WDPCP: variants seen among roughly 807,000 people sequenced by gnomAD.
WDPCP encodes WD repeat-containing and planar cell polarity effector protein fritz homolog.
WDPCP carries 71 observed loss-of-function variants against 93.1 expected under a neutral mutation model. That is an observed-to-expected ratio of 0.76 (90% CI 0.63 to 0.93). WDPCP has a LOEUF of 0.93. Among genes scored for constraint, WDPCP ranks in the 40% least tolerant of loss-of-function variants. WDPCP has a pLI of 0.00. For missense variants in WDPCP, 844 were observed against 887.4 expected (o/e 0.95, Z 0.62); for synonymous variants, 315 against 315.0 (o/e 1.00, Z 0.00).
chr2:63,378,135 A>G (rs1692006906), intron 12 of WDPCP: 1 of 480,796 alleles, frequency 2.1e-6, no homozygotes, highest in Non-Finnish European at 3.8e-6. Context: ...TTGACTTTAC[A>G]TAGCTTTCAT....
At chr2:63,342,400 T>C (rs1187078575) in intron 12 of WDPCP, among the ~76,000 whole-genome samples, 1 of 152,224 alleles carries the variant, frequency 6.6e-6, no homozygotes, top group Non-Finnish European at 1.5e-5. Flanking sequence ...AGAAAGTACA[T>C]CTACCATTCG....
At chr2:63,463,099 GGGAAA>G (rs1288966088) in intron 6 of WDPCP, among the ~76,000 whole-genome samples, 1 of 151,568 alleles carries the variant, frequency 6.6e-6, no homozygotes, top group Non-Finnish European at 1.5e-5. Context: ...TCAAAGACGG[GGGAAA>G]GGAACACGGA....
At chr2:63,675,096 C>T (rs1278155162) in intron 2 of WDPCP, among the ~76,000 whole-genome samples, 1 of 152,146 alleles carries the variant, frequency 6.6e-6, no homozygotes, top group Non-Finnish European at 1.5e-5. Context: ...TCCTTTTGTC[C>T]TCTGGTTCTC....
chr2:63,285,158 A>C (rs7608966), intron 13 of WDPCP, among the ~76,000 whole-genome samples: 123,579 of 152,228 alleles, frequency 0.81, 50,923 homozygotes, highest in East Asian at 0.96. Context: ...AGGTTGGGTG[A>C]GGTGGCTCAT....
intron 1 of WDPCP, among the ~76,000 whole-genome samples, chr2:63,543,893 T>C (rs933466566): frequency 2.0e-5 from 3 of 152,060 alleles, no homozygotes; most frequent in African/African-American, 7.2e-5. Context: ...AAAACCAAAT[T>C]GGATCAGTTT....
chr2:63,331,918 TA>T (rs970053885), intron 12 of WDPCP, among the ~76,000 whole-genome samples: 9 of 151,396 alleles, frequency 5.9e-5, no homozygotes, highest in Admixed American at 2.6e-4. Flanking sequence ...AGCTAGCTTT[TA>T]AAAAAAAATT....
At chr2:63,541,014 G>T (rs1302607357) in intron 1 of WDPCP, among the ~76,000 whole-genome samples, 3 of 151,986 alleles carry the variant, frequency 2.0e-5, no homozygotes, top group Admixed American at 1.3e-4. Flanking sequence ...TCCCTCTGGG[G>T]CCCAGGCTGG....
intron 15 of WDPCP, among the ~76,000 whole-genome samples, chr2:63,172,152 C>T (rs1367438593): frequency 2.6e-5 from 4 of 152,146 alleles, no homozygotes; most frequent in Non-Finnish European, 5.9e-5. Context: ...ATATCACTGA[C>T]TTGTATACTT....
At position 63,382,049 on chromosome 2, in the gene WDPCP, T is replaced by C; in HGVS notation, c.1481A>G (p.Gln494Arg). The change falls in exon 11 of 18, where the codon CAG becomes CGG. Residue 494 changes from glutamine (Q) to arginine (R), a missense_variant. Gln to Arg is a conservative substitution (Grantham distance 43). Transcript: ENST00000272321. ...GQLGLIDIIF[Q>R]YIHCDEIYEA... The stretch of plus-strand genomic sequence containing the variant: ...ATAGATCTCATCACAGTGAATGTAC[T>C]GGAAGATGATGTCTATCAGGCCCAG... 6.2e-7 allele frequency: 1 copy of C among 1,613,340 alleles called. No homozygotes were observed. Among genetic ancestry groups the C allele is most frequent in the Non-Finnish European group, 8.5e-7 (1 of 1,179,676 alleles).
chr2:63,668,960 G>A (rs1395686315), intron 2 of WDPCP, among the ~76,000 whole-genome samples: 1 of 152,186 alleles, frequency 6.6e-6, no homozygotes, highest in Non-Finnish European at 1.5e-5. Context: ...AGAAAGCACA[G>A]GATTTGGGAA....
intron 1 of WDPCP, among the ~76,000 whole-genome samples, chr2:63,524,572 C>G (rs747925551): frequency 6.6e-6 from 1 of 152,056 alleles, no homozygotes; most frequent in Non-Finnish European, 1.5e-5. Context: ...GAAACTTGGC[C>G]CCTTCCTTTC....
chr2:63,432,735 C>T (rs2105456177), intron 9 of WDPCP, among the ~76,000 whole-genome samples: 1 of 152,258 alleles, frequency 6.6e-6, no homozygotes, highest in South Asian at 2.1e-4. Flanking sequence ...TAAATCAGAT[C>T]TGTGCTTCAG....
chr2:63,717,397 G>GT, intron 2 of WDPCP: 1 of 420,068 alleles, frequency 2.4e-6, no homozygotes, highest in African/African-American at 2.1e-5. Flanking sequence ...GATAGTGTCT[G>GT]TTTTTTTAAG....
At chr2:63,262,551 AAAAAAG>A (rs1414910777) in intron 13 of WDPCP, among the ~76,000 whole-genome samples, 1 of 151,426 alleles carries the variant, frequency 6.6e-6, no homozygotes, top group African/African-American at 2.4e-5. Context: ...AAAAAAAAAA[AAAAAAG>A]AAAGAAAAGA....
intron 1 of WDPCP, among the ~76,000 whole-genome samples, chr2:63,508,014 G>A (rs1490808188): frequency 1.3e-5 from 2 of 152,180 alleles, no homozygotes; most frequent in African/African-American, 4.8e-5. Context: ...ACACTCTTCA[G>A]GGTATTATCC....
rs562955459 is a variant in WDPCP, at chr2:63,122,068, C to G, written c.2191-12G>C. 1.3e-6 allele frequency: 2 copies of G among 1,587,388 alleles called. No homozygotes were observed. Among genetic ancestry groups the G allele is most frequent in the South Asian group, 1.1e-5 (1 of 90,322 alleles). On this transcript the variant is annotated splice_polypyrimidine_tract_variant and intron_variant, in intron 17 of 17. Coordinates refer to ENST00000272321, the MANE Select transcript of WDPCP (RefSeq NM_015910.7). ...CCATCTCTGATTTCCTGCAAATAAA[C>G]AAATAAAAATAATGTTTAAGCAGAG...
intron 3 of WDPCP, among the ~76,000 whole-genome samples, chr2:63,645,210 T>C (rs1356464640): frequency 6.6e-6 from 1 of 152,202 alleles, no homozygotes; most frequent in Non-Finnish European, 1.5e-5. Context: ...GTTGCCATTA[T>C]AACTTGTCTC....
At chr2:63,470,453 A>G (rs748544721) in intron 6 of WDPCP, among the ~76,000 whole-genome samples, 19 of 152,076 alleles carry the variant, frequency 1.2e-4, no homozygotes, top group Non-Finnish European at 2.5e-4. Context: ...TTCCTCAGAA[A>G]TTTCCTCTAT....
intron 9 of WDPCP, among the ~76,000 whole-genome samples, chr2:63,416,917 G>A (rs752431963): frequency 1.6e-4 from 25 of 152,140 alleles, no homozygotes; most frequent in Non-Finnish European, 2.8e-4. Flanking sequence ...AGACAACACC[G>A]TACAGTTAAA....
Sources: gnomAD v4.1 joint callset for allele counts (sites outside exome capture counted in the v4.1 genomes callset) on GRCh38, gnomAD v4.1.1 for gene constraint, MANE v1.5 for transcripts, NCBI Gene and HGNC (gene_info 2026-07-23, HGNC 2026-07-21) for gene names.